ARPC3: variants seen among roughly 807,000 people sequenced by gnomAD.
The protein encoded by ARPC3 is actin related protein 2/3 complex subunit 3, also known as actin-related protein 2/3 complex subunit 3.
Under a neutral mutation model 27.6 loss-of-function variants are expected in ARPC3, and 12 were observed. The ratio of observed to expected loss-of-function variants is 0.43; its 90% CI spans 0.28 to 0.70. The LOEUF (loss-of-function observed/expected upper bound fraction) is 0.70. ARPC3 is among the 30% of genes least tolerant of loss of function. ARPC3 has a pLI of 0.17. For missense variants in ARPC3, 153 were observed against 207.7 expected (o/e 0.74, Z 1.62); for synonymous variants, 53 against 67.2 (o/e 0.79, Z 1.03).
intron 3 of ARPC3, among the ~76,000 whole-genome samples, chr12:110,438,889 C>T (rs1380102154): frequency 1.3e-5 from 2 of 151,958 alleles, no homozygotes; most frequent in East Asian, 1.9e-4. Context: ...GTGATCCGCC[C>T]GCCTTGGCCT....
At chr12:110,445,991 C>A (rs10744765) in intron 1 of ARPC3, among the ~76,000 whole-genome samples, 29,317 of 151,550 alleles carry the variant, frequency 0.19, 3,177 homozygotes, top group Admixed American at 0.28. Context: ...GTAGTCCCAG[C>A]CATGTGGGAG....
At chr12:110,436,488 G>A (rs1197982196) in intron 5 of ARPC3, 69 bp downstream of exon 5, 14 of 1,596,754 alleles carry the variant, frequency 8.8e-6, no homozygotes. Context: ...AAGAAAAAGA[G>A]GGGTGGTAGG....
At position 110,440,544 on chromosome 12, in the gene ARPC3, ATATT is replaced by A. The variant is rs554094149; in HGVS notation, c.107-160_107-157del. 3.3e-4 allele frequency: 217 copies of A among 656,070 alleles called. 1 individual carries two copies. The highest frequency in any genetic ancestry group is 8.5e-4 in the South Asian group (49 of 57,838). The allele number at this position is 656,070 out of a possible 1,614,324, so 40.6% of individuals were successfully genotyped here. A position where few individuals can be genotyped will look rare whatever the true frequency, so the allele number is the denominator to read the frequency against. Reference sequence around the variant, plus strand: ...TATTGAAATACAAAGTTTTTAGAAAATATTTATTTGTTTTTTTTTTGAGACAGAG... The same window carrying A: ...TATTGAAATACAAAGTTTTTAGAAAATATTTGTTTTTTTTTTGAGACAGAG... On this transcript the variant is annotated intron_variant, in intron 2 of 6. Transcript: ENST00000228825.
intron 2 of ARPC3, among the ~76,000 whole-genome samples, chr12:110,443,308 T>G (rs930163133): frequency 6.6e-6 from 1 of 151,856 alleles, no homozygotes; most frequent in Non-Finnish European, 1.5e-5. Flanking sequence ...TTAGTAGAGA[T>G]GGGGTTTCAC....
At chr12:110,445,394 T>G in intron 2 of ARPC3, 58 bp downstream of exon 2, 1 of 1,302,494 alleles carries the variant, frequency 7.7e-7, no homozygotes. Flanking sequence ...ATTTGATCAT[T>G]TCAGAAGATT....
At chr12:110,436,795 G>A (rs2062408587) in intron 4 of ARPC3, 112 bp from the exon 5 acceptor site, 1 of 928,200 alleles carries the variant, frequency 1.1e-6, no homozygotes, top group Non-Finnish European at 1.6e-6. Flanking sequence ...TTGGACCCCA[G>A]GTTAAGAACC....
At chr12:110,437,295 A>G in intron 3 of ARPC3, 143 bp from the exon 4 acceptor site, 1 of 676,332 alleles carries the variant, frequency 1.5e-6, no homozygotes, top group Non-Finnish European at 2.7e-6. Flanking sequence ...CCCATTCTCC[A>G]AATGCACAGT....
intron 6 of ARPC3, among the ~76,000 whole-genome samples, chr12:110,435,806 G>T (rs1404831166): frequency 5.3e-5 from 8 of 151,668 alleles, no homozygotes; most frequent in Admixed American, 5.3e-4. Flanking sequence ...TGTATTTTCA[G>T]TAGAGATGGG....
At chr12:110,439,106 C>A (rs2062421507) in intron 3 of ARPC3, among the ~76,000 whole-genome samples, 1 of 151,936 alleles carries the variant, frequency 6.6e-6, no homozygotes, top group Non-Finnish European at 1.5e-5. Context: ...GTGCTTCAGC[C>A]TCCCGAGTAG....
intron 3 of ARPC3, chr12:110,437,385 T>C (rs1183858662): frequency 4.4e-6 from 2 of 457,254 alleles, no homozygotes; most frequent in East Asian, 8.7e-5. Flanking sequence ...TTTTTTTTTT[T>C]GAGACGGAGT....
At chr12:110,448,846 G>A (rs1592956800) in intron 1 of ARPC3, among the ~76,000 whole-genome samples, 1 of 147,606 alleles carries the variant, frequency 6.8e-6, no homozygotes, top group Non-Finnish European at 1.5e-5. Context: ...CACGGTCTCG[G>A]CTCACTGCAA....
At chr12:110,438,450 T>C (rs964013908) in intron 3 of ARPC3, among the ~76,000 whole-genome samples, 7 of 150,496 alleles carry the variant, frequency 4.7e-5, no homozygotes, top group African/African-American at 1.7e-4. Context: ...AATACAAAAA[T>C]TAGCTTGGCG....
Position 110,445,457 on chromosome 12 carries a change from C to A in ARPC3, c.101G>T (p.Arg34Ile). The change falls in exon 2 of 7, where the codon AGA becomes ATA. Residue 34 changes from arginine (R) to isoleucine (I), a missense_variant. Transcript: ENST00000228825. ...AATAATGGGTTTAGACTTACTCTCT[C>A]TGGGGGCAGGTCCTTTGAATTGACT... ...IRSQFKGPAP[R>I]ETKDTDIVDE... 6.2e-7 allele frequency: 1 copy of A among 1,606,026 alleles called. No homozygotes were observed. The highest frequency in any genetic ancestry group is 1.1e-5 in the South Asian group (1 of 90,926).
intron 2 of ARPC3, among the ~76,000 whole-genome samples, chr12:110,444,285 A>C (rs1341053970): frequency 6.8e-6 from 1 of 147,288 alleles, no homozygotes; most frequent in African/African-American, 2.6e-5. Flanking sequence ...CAGTGAAAAA[A>C]AATTTTTTTT....
At chr12:110,449,345 T>C (rs1055219577) in intron 1 of ARPC3, among the ~76,000 whole-genome samples, 2 of 151,736 alleles carry the variant, frequency 1.3e-5, no homozygotes, top group African/African-American at 4.8e-5. Context: ...GCGGATCACC[T>C]GAGGTCTGGA....
Position 110,450,262 on chromosome 12 carries a change from T to C in ARPC3, c.-2A>G, listed in dbSNP as rs1303719832. On this transcript the variant is annotated 5_prime_UTR_variant, in exon 1 of 7. Coordinates refer to ENST00000228825, the MANE Select transcript of ARPC3 (RefSeq NM_001278556.2). ...CGTGGATCGAACCCTCACCGGCATC[T>C]TGGCGGCGCCCGGGTTTCAACCCAG... 2 of 1,613,958 alleles carry C rather than the reference T, an allele frequency of 1.2e-6. No individual in the cohort carries two copies. Among genetic ancestry groups the C allele is most frequent in the South Asian group, 1.1e-5 (1 of 91,084 alleles).
chr12:110,445,192 TAA>T (rs2062457350), intron 2 of ARPC3: 1 of 448,182 alleles, frequency 2.2e-6, no homozygotes. Context: ...AAAGAACTGA[TAA>T]ACAGTGTCCA....
At chr12:110,442,740 ATCTT>A (rs1262729333) in intron 2 of ARPC3, 3 of 152,182 alleles carry the variant, frequency 2.0e-5, no homozygotes, top group Non-Finnish European at 4.4e-5. Flanking sequence ...TCAGATACAC[ATCTT>A]TCTTTTTATG....
chr12:110,449,937 AAGCGC>A (rs1231141722), intron 1 of ARPC3, among the ~76,000 whole-genome samples: 1 of 152,140 alleles, frequency 6.6e-6, no homozygotes, highest in Admixed American at 6.5e-5. Flanking sequence ...GAAAAATAAA[AAGCGC>A]AGCCCTTGGC....
Sources: allele counts gnomAD v4.1 joint callset (sites outside exome capture counted in the v4.1 genomes callset), GRCh38; gene constraint gnomAD v4.1.1; transcripts MANE v1.5; gene names NCBI Gene and HGNC (gene_info 2026-07-23, HGNC 2026-07-21).